Variants in WWOX observed in about 807,000 individuals in gnomAD.
WWOX encodes the protein WW domain containing oxidoreductase.
Under a neutral mutation model 46.2 loss-of-function variants are expected in WWOX, and 69 were observed. The observed-to-expected ratio is 1.49, with a 90% CI of 1.23 to 1.82. The LOEUF (loss-of-function observed/expected upper bound fraction) is 1.82, where lower values mean the gene tolerates loss of function less well. Ranked by LOEUF, WWOX falls within the 40% of genes most tolerant of loss-of-function variation. The probability of loss-of-function intolerance (pLI) is 0.00; values close to 1 mark genes in which losing one functional copy is unlikely to be tolerated. For missense variants in WWOX, 919 were observed against 542.6 expected (o/e 1.69, Z -6.89); for synonymous variants, 359 against 202.6 (o/e 1.77, Z -6.56).
intron 8 of WWOX, among the ~76,000 whole-genome samples, chr16:78,958,527 C>A (rs1019870342): frequency 6.6e-6 from 1 of 152,122 alleles, no homozygotes; most frequent in African/African-American, 2.4e-5. Flanking sequence ...GTAGTTTTGC[C>A]AATTTGGGAA....
intron 5 of WWOX, among the ~76,000 whole-genome samples, chr16:78,289,531 G>C (rs1346440958): frequency 6.6e-6 from 1 of 152,156 alleles, no homozygotes; most frequent in Non-Finnish European, 1.5e-5. Context: ...GATCCAGCCA[G>C]GGAAGTACTT....
At chr16:78,101,520 G>T (rs1364352697) in intron 1 of WWOX, among the ~76,000 whole-genome samples, 1 of 151,810 alleles carries the variant, frequency 6.6e-6, no homozygotes, top group Non-Finnish European at 1.5e-5. Flanking sequence ...CTAATTTCGC[G>T]CTGTTGGCCC....
chr16:78,337,692 T>A (rs1567510425), intron 5 of WWOX, among the ~76,000 whole-genome samples: 1 of 151,964 alleles, frequency 6.6e-6, no homozygotes, highest in African/African-American at 2.4e-5. Flanking sequence ...CCCAGCAAAG[T>A]CCTTCTGAGA....
At chr16:78,603,560 G>A (rs1019873052) in intron 8 of WWOX, among the ~76,000 whole-genome samples, 2 of 152,086 alleles carry the variant, frequency 1.3e-5, no homozygotes, top group African/African-American at 2.4e-5. Flanking sequence ...TGGGCGTGGT[G>A]GCAGCCACCT....
chr16:78,383,811 G>C (rs576098737), intron 5 of WWOX, among the ~76,000 whole-genome samples: 1 of 152,272 alleles, frequency 6.6e-6, no homozygotes, highest in Admixed American at 6.5e-5. Context: ...CTGAATAACA[G>C]TGTGTGGACT....
chr16:79,159,633 C>T lies in WWOX; in HGVS notation c.1057-51975C>T, dbSNP rs150903265. Among the ~76,000 whole-genome samples the T allele has an allele frequency of 5.3e-5, 8 of 152,304 alleles. No homozygotes were observed. The East Asian group carries it at 1.5e-3, about 29-fold the overall frequency. ...ATGAGTCCCCCAGAGATTGTCTCTC[C>T]CCGTGTCCCCTTGCAGGACAAATCT... On this transcript the variant is annotated intron_variant, in intron 8 of 8. Transcript: ENST00000566780.
Position 78,771,874 on chromosome 16 carries a change from A to G in WWOX, c.1056+339122A>G, listed in dbSNP as rs1597584031. Among the ~76,000 whole-genome samples, 4 of 152,332 alleles carry G rather than the reference A, an allele frequency of 2.6e-5. 1 individual carries two copies. Among genetic ancestry groups the G allele is most frequent in the Admixed American group, 2.6e-4 (4 of 15,300 alleles). On this transcript the variant is annotated intron_variant, in intron 8 of 8. Transcript: ENST00000566780. ...TTCAGTCTAGCTCTCTCACAAAAAA[A>G]AAGTTAAAATGACAAATTTTGTGTT...
At chr16:79,133,473 A>G (rs41339049) in intron 8 of WWOX, among the ~76,000 whole-genome samples, 5,871 of 152,312 alleles carry the variant, frequency 0.039, 389 homozygotes, top group African/African-American at 0.13. Flanking sequence ...TACGGTCTCT[A>G]ACAGTAAAGT....
At position 78,286,694 on chromosome 16, in the gene WWOX, A is replaced by G. The variant is rs373189462; in HGVS notation, c.517-100166A>G. The stretch of plus-strand genomic sequence containing the variant: ...GCAGACTCTTCATACTCAAAGCAGT[A>G]AAAAATAAAATAAAATAAAATACAA... On this transcript the variant is annotated intron_variant, in intron 5 of 8. Coordinates refer to ENST00000566780, the MANE Select transcript of WWOX (RefSeq NM_016373.4). Among the ~76,000 whole-genome samples, 5 of 150,574 alleles carry G rather than the reference A, an allele frequency of 3.3e-5. No individual in the cohort carries two copies. In the East Asian group the frequency reaches 9.6e-4, roughly 29 times the overall value.
chr16:78,927,183 G>T (rs2045517709), intron 8 of WWOX, among the ~76,000 whole-genome samples: 2 of 152,174 alleles, frequency 1.3e-5, no homozygotes. Flanking sequence ...TTGTTTTGAG[G>T]AGAGAATGAG....
At chr16:78,963,359 C>G (rs750677617) in intron 8 of WWOX, among the ~76,000 whole-genome samples, 3 of 152,134 alleles carry the variant, frequency 2.0e-5, no homozygotes, top group Non-Finnish European at 4.4e-5. Flanking sequence ...GTCCCAGCTA[C>G]TTGGGCAGCT....
At chr16:79,078,577 G>A (rs73572932) in intron 8 of WWOX, among the ~76,000 whole-genome samples, 1 of 152,104 alleles carries the variant, frequency 6.6e-6, no homozygotes, top group East Asian at 1.9e-4. Flanking sequence ...AGCATCCCTC[G>A]CCATAGGAGA....
intron 8 of WWOX, among the ~76,000 whole-genome samples, chr16:78,651,677 A>C (rs1021601160): frequency 2.0e-5 from 3 of 152,120 alleles, no homozygotes; most frequent in Non-Finnish European, 2.9e-5. Flanking sequence ...CCCTTCTCCC[A>C]CCTGTGCAGG....
chr16:78,729,018 C>CT (rs1019702432), intron 8 of WWOX, among the ~76,000 whole-genome samples: 5 of 152,188 alleles, frequency 3.3e-5, no homozygotes, highest in African/African-American at 1.2e-4. Flanking sequence ...GGTCATCCCC[C>CT]TAAAGATATC....
At chr16:78,114,519 G>T (rs957247340) in intron 3 of WWOX, among the ~76,000 whole-genome samples, 2 of 152,106 alleles carry the variant, frequency 1.3e-5, no homozygotes, top group African/African-American at 2.4e-5. Context: ...TTGGTAGTTG[G>T]CAGGTTTCTT....
chr16:78,586,780 T>C (rs1240388693), intron 8 of WWOX, among the ~76,000 whole-genome samples: 2 of 152,156 alleles, frequency 1.3e-5, no homozygotes, highest in Non-Finnish European at 2.9e-5. Context: ...TCAGGAAGGT[T>C]AAGTAATGTG....
At chr16:78,722,264 C>A (rs769715625) in intron 8 of WWOX, among the ~76,000 whole-genome samples, 1 of 152,164 alleles carries the variant, frequency 6.6e-6, no homozygotes, top group Admixed American at 6.5e-5. Context: ...GGGGTTCAGT[C>A]CTAGCTCTGG....
At chr16:78,439,987 C>T (rs1465329847) in intron 8 of WWOX, among the ~76,000 whole-genome samples, 1 of 152,152 alleles carries the variant, frequency 6.6e-6, no homozygotes, top group Non-Finnish European at 1.5e-5. Flanking sequence ...GAGTTGACTT[C>T]CCGTCAGATC....
chr16:79,158,338 T>G (rs2050421729), intron 8 of WWOX, among the ~76,000 whole-genome samples: 1 of 152,030 alleles, frequency 6.6e-6, no homozygotes, highest in African/African-American at 2.4e-5. Flanking sequence ...GGTGGAAAAA[T>G]CACACGTTGG....
Sources: gnomAD v4.1 joint callset for allele counts (sites outside exome capture counted in the v4.1 genomes callset) on GRCh38, gnomAD v4.1.1 for gene constraint, MANE v1.5 for transcripts, NCBI Gene and HGNC (gene_info 2026-07-23, HGNC 2026-07-21) for gene names.